Variants in SMOC2 observed in about 807,000 individuals in gnomAD.
SMOC2 encodes the protein SPARC-related modular calcium-binding protein 2.
Under a neutral mutation model 61.4 loss-of-function variants are expected in SMOC2, and 39 were observed. The observed-to-expected ratio is 0.64, with a 90% CI of 0.49 to 0.83. The LOEUF (loss-of-function observed/expected upper bound fraction) is 0.83. SMOC2 is among the 40% of genes least tolerant of loss of function. The pLI, the probability that SMOC2 is intolerant of heterozygous loss-of-function variation, is 0.00. For missense variants in SMOC2, 556 were observed against 592.9 expected, an observed-to-expected ratio of 0.94 and a Z score of 0.65; for synonymous variants, 247 against 239.9, an observed-to-expected ratio of 1.03 and a Z score of -0.27.
At chr6:168,530,635 CAA>C (rs1783568436) in intron 4 of SMOC2, among the ~76,000 whole-genome samples, 1 of 51,176 alleles carries the variant, frequency 2.0e-5, no homozygotes, top group Non-Finnish European at 4.4e-5. Flanking sequence ...AGTCACGGTG[CAA>C]CCCCCCCCCC....
chr6:168,659,756 TGTAG>T (rs1787449519), intron 11 of SMOC2, among the ~76,000 whole-genome samples: 5 of 142,982 alleles, frequency 3.5e-5, no homozygotes, highest in East Asian at 4.1e-4. Flanking sequence ...GGATGGAGGT[TGTAG>T]GTTGGGTGAG....
At chr6:168,614,442 C>A (rs1184763413) in intron 9 of SMOC2, among the ~76,000 whole-genome samples, 1 of 78,624 alleles carries the variant, frequency 1.3e-5, no homozygotes, top group African/African-American at 5.4e-5. Flanking sequence ...CCTCTTCACA[C>A]CTACAGCCAG....
At chr6:168,485,915 TTCTG>T (rs1175571123) in intron 1 of SMOC2, among the ~76,000 whole-genome samples, 1 of 152,202 alleles carries the variant, frequency 6.6e-6, no homozygotes, top group Non-Finnish European at 1.5e-5. Context: ...TTCAAAAGTA[TTCTG>T]TCTAATAGAT....
intron 1 of SMOC2, 35 bp from the exon 2 acceptor site, chr6:168,509,878 CTT>C: frequency 6.3e-7 from 1 of 1,576,378 alleles, no homozygotes; most frequent in Non-Finnish European, 8.7e-7. Context: ...AAGAATGTGT[CTT>C]TAAATTTGTC....
intron 1 of SMOC2, among the ~76,000 whole-genome samples, chr6:168,468,526 C>G (rs1781895982): frequency 6.6e-6 from 1 of 152,176 alleles, no homozygotes; most frequent in African/African-American, 2.4e-5. Context: ...GAATGCTGGT[C>G]TTGACAATGA....
At chr6:168,618,504 G>A (rs936852873) in intron 9 of SMOC2, among the ~76,000 whole-genome samples, 3 of 150,956 alleles carry the variant, frequency 2.0e-5, no homozygotes, top group African/African-American at 7.4e-5. Flanking sequence ...TGGAGGAGAG[G>A]CGGGTAGTGG....
intron 1 of SMOC2, among the ~76,000 whole-genome samples, chr6:168,447,470 T>C (rs1781356191): frequency 6.6e-6 from 1 of 152,186 alleles, no homozygotes; most frequent in Non-Finnish European, 1.5e-5. Context: ...TTTTCTAGTT[T>C]CTGTTCCTCA....
chr6:168,582,585 G>T (rs982658757), intron 7 of SMOC2, among the ~76,000 whole-genome samples: 11 of 152,212 alleles, frequency 7.2e-5, no homozygotes, highest in Admixed American at 5.2e-4. Flanking sequence ...GAGGCCAGTT[G>T]TTGCCGATTT....
intron 7 of SMOC2, among the ~76,000 whole-genome samples, chr6:168,554,233 A>T (rs990471022): frequency 6.6e-6 from 1 of 152,258 alleles, no homozygotes; most frequent in Non-Finnish European, 1.5e-5. Flanking sequence ...CTCCCACAAG[A>T]CAGGAGGACC....
intron 1 of SMOC2, among the ~76,000 whole-genome samples, chr6:168,464,123 G>A (rs1382471104): frequency 6.7e-6 from 1 of 148,488 alleles, no homozygotes. Context: ...CCTGGGAGGT[G>A]GAGGCTGCAG....
At chr6:168,627,180 G>A (rs573556858) in intron 9 of SMOC2, among the ~76,000 whole-genome samples, 187 of 152,318 alleles carry the variant, frequency 1.2e-3, no homozygotes, top group African/African-American at 4.1e-3. Flanking sequence ...TGAGCTGAGT[G>A]TATTATAGAC....
intron 7 of SMOC2, among the ~76,000 whole-genome samples, chr6:168,558,971 A>G (rs1344820967): frequency 6.6e-6 from 1 of 152,172 alleles, no homozygotes; most frequent in East Asian, 1.9e-4. Context: ...GTGTACGTGT[A>G]TGCGTGCACA....
At chr6:168,533,878 A>G (rs1265798969) in intron 4 of SMOC2, among the ~76,000 whole-genome samples, 1 of 152,244 alleles carries the variant, frequency 6.6e-6, no homozygotes. Flanking sequence ...CTAGATGGCC[A>G]TGAAAACAAT....
chr6:168,647,208 C>T (rs556874388), intron 9 of SMOC2, among the ~76,000 whole-genome samples: 2 of 152,304 alleles, frequency 1.3e-5, no homozygotes, highest in East Asian at 3.9e-4. Context: ...CTGGGTACAT[C>T]GCTGAGCCTG....
intron 4 of SMOC2, among the ~76,000 whole-genome samples, chr6:168,538,336 C>T (rs111647011): frequency 3.9e-5 from 5 of 128,180 alleles, no homozygotes; most frequent in Non-Finnish European, 6.4e-5. Flanking sequence ...GTGGGGTGAC[C>T]GCTGCTGGAA....
chr6:168,590,859 T>G (rs1327975003), intron 7 of SMOC2, among the ~76,000 whole-genome samples: 1 of 152,220 alleles, frequency 6.6e-6, no homozygotes, highest in Non-Finnish European at 1.5e-5. Flanking sequence ...ACATTATAAG[T>G]CACAAGCATC....
chr6:168,649,781 C>T (rs1181585055), intron 9 of SMOC2, among the ~76,000 whole-genome samples: 3 of 152,132 alleles, frequency 2.0e-5, no homozygotes, highest in African/African-American at 7.2e-5. Flanking sequence ...CTTCTCTATG[C>T]CAAAAGGGCA....
At position 168,543,778 on chromosome 6, in the gene SMOC2, G is replaced by T; in HGVS notation, c.511+106G>T. Reference sequence around the variant, plus strand: ...AAACATCCACTAGTGATGATGATGAGAGCCGAACCAGTTTGTTACTTCTGC... The same window carrying T: ...AAACATCCACTAGTGATGATGATGATAGCCGAACCAGTTTGTTACTTCTGC... On this transcript the variant is annotated intron_variant, in intron 5 of 12. Transcript: ENST00000356284. 3 of 1,030,270 alleles carry T rather than the reference G, an allele frequency of 2.9e-6. No individual in the cohort carries two copies. The South Asian group carries it at 4.4e-5, about 15-fold the overall frequency. The allele number at this position is 1,030,270 out of a possible 1,614,324, so 63.8% of individuals were successfully genotyped here.
At chr6:168,541,764 T>G (rs1481677881) in intron 4 of SMOC2, among the ~76,000 whole-genome samples, 1 of 152,166 alleles carries the variant, frequency 6.6e-6, no homozygotes, top group African/African-American at 2.4e-5. Context: ...CTCTTACATA[T>G]GAAGAACAAG....
Sources: gnomAD v4.1 joint callset for allele counts (sites outside exome capture counted in the v4.1 genomes callset) on GRCh38, gnomAD v4.1.1 for gene constraint, MANE v1.5 for transcripts, NCBI Gene and HGNC (gene_info 2026-07-23, HGNC 2026-07-21) for gene names.